The following NTM variants were observed in gnomAD, a reference collection of about 807,000 sequenced individuals.
The protein encoded by NTM is neurotrimin.
In NTM, 13 loss-of-function variants were observed where a neutral mutation model predicts 42.1. The ratio of observed to expected loss-of-function variants is 0.31; its 90% confidence interval spans 0.20 to 0.49. The LOEUF is 0.49. NTM is among the 20% of genes least tolerant of loss of function. The probability of loss-of-function intolerance (pLI) is 0.99; values close to 1 mark genes in which losing one functional copy is unlikely to be tolerated. For synonymous variants in NTM, 187 were observed against 179.2 expected (o/e 1.04, Z -0.35); for missense variants, 373 against 452.8 (o/e 0.82, Z 1.60).
intron 3 of NTM, among the ~76,000 whole-genome samples, chr11:132,149,070 C>T (rs527557543): frequency 2.0e-5 from 3 of 152,156 alleles, no homozygotes; most frequent in East Asian, 3.9e-4. Context: ...AATCCGCTGT[C>T]GATATGCCTG....
chr11:131,793,852 G>A (rs940413595), intron 1 of NTM, among the ~76,000 whole-genome samples: 2 of 152,318 alleles, frequency 1.3e-5, no homozygotes, highest in South Asian at 4.1e-4. Flanking sequence ...CCTTCCAGCT[G>A]CTGTGCTGGG....
intron 1 of NTM, among the ~76,000 whole-genome samples, chr11:131,590,580 A>G (rs1479663589): frequency 1.3e-5 from 2 of 152,252 alleles, no homozygotes; most frequent in Non-Finnish European, 2.9e-5. Flanking sequence ...TGGCTTCTTA[A>G]TGTCCCAATA....
intron 4 of NTM, among the ~76,000 whole-genome samples, chr11:132,272,407 A>G (rs1156327156): frequency 6.6e-6 from 1 of 152,148 alleles, no homozygotes; most frequent in East Asian, 1.9e-4. Flanking sequence ...TGTCAATCTC[A>G]GCAAAGAAGC....
At chr11:131,901,928 G>A (rs574929399) in intron 1 of NTM, among the ~76,000 whole-genome samples, 1 of 152,336 alleles carries the variant, frequency 6.6e-6, no homozygotes, top group African/African-American at 2.4e-5. Flanking sequence ...AGCTAGTGAA[G>A]GAAAGCATAC....
At chr11:131,988,654 A>G (rs953728098) in intron 2 of NTM, among the ~76,000 whole-genome samples, 5 of 152,202 alleles carry the variant, frequency 3.3e-5, no homozygotes, top group Non-Finnish European at 7.3e-5. Context: ...TGCCACATCC[A>G]TTTAAATCAG....
rs753967639 is a variant in NTM at position 132,330,151 on chromosome 11, A to G, written c.935-2A>G. 1 of 1,551,604 alleles carries G rather than the reference A, an allele frequency of 6.4e-7. No homozygotes were observed. Among genetic ancestry groups the G allele is most frequent in the Non-Finnish European group, 8.7e-7 (1 of 1,146,948 alleles). The stretch of plus-strand genomic sequence containing the variant: ...CAGTGGCTTGTTTTTAATTTCTTTT[A>G]GAAGTGAAAACTACAGCCCTGACCC... On this transcript the variant is annotated splice_acceptor_variant, in intron 7 of 8. Transcript: ENST00000683400. LOFTEE classifies it high-confidence loss of function.
intron 1 of NTM, among the ~76,000 whole-genome samples, chr11:131,645,061 G>A (rs559440550): frequency 7.9e-5 from 12 of 152,258 alleles, no homozygotes; most frequent in African/African-American, 2.6e-4. Flanking sequence ...ATGTACCACA[G>A]ATTGAGCCCT....
intron 3 of NTM, among the ~76,000 whole-genome samples, chr11:132,155,126 G>A (rs1325544268): frequency 6.6e-6 from 1 of 152,114 alleles, no homozygotes; most frequent in African/African-American, 2.4e-5. Context: ...TGGCTCCGTT[G>A]GGGATTTAAT....
Position 132,335,212 on chromosome 11 carries a change from G to A in NTM, c.*66G>A. On this transcript the variant is annotated 3_prime_UTR_variant, in exon 9 of 9. Coordinates refer to ENST00000683400, the MANE Select transcript of NTM (RefSeq NM_001352005.2). ...CACCACCACCAACACAACAGCAATG[G>A]CAACACCGACAGCAACCAATCAGAT... 1.3e-6 allele frequency: 2 copies of A among 1,556,010 alleles called. No individual in the cohort carries two copies. Among genetic ancestry groups the A allele is most frequent in the South Asian group, 1.1e-5 (1 of 88,780 alleles).
intron 1 of NTM, among the ~76,000 whole-genome samples, chr11:131,503,954 A>G (rs1047882224): frequency 6.6e-6 from 1 of 152,216 alleles, no homozygotes; most frequent in Non-Finnish European, 1.5e-5. Flanking sequence ...TACCTTTGTT[A>G]GGGTCATTAG....
chr11:132,086,109 G>A (rs2059666827), intron 2 of NTM, among the ~76,000 whole-genome samples: 1 of 151,988 alleles, frequency 6.6e-6, no homozygotes, highest in Admixed American at 6.6e-5. Flanking sequence ...TGGATCACGA[G>A]GTCAGGAGAT....
chr11:131,891,293 A>G (rs2051292733), intron 1 of NTM, among the ~76,000 whole-genome samples: 1 of 152,136 alleles, frequency 6.6e-6, no homozygotes, highest in Non-Finnish European at 1.5e-5. Context: ...ACAGGACTCC[A>G]TGGAAGGGTT....
At chr11:131,427,913 C>T (rs1336843435) in intron 1 of NTM, among the ~76,000 whole-genome samples, 1 of 152,170 alleles carries the variant, frequency 6.6e-6, no homozygotes, top group South Asian at 2.1e-4. Context: ...TTTCTCTGAG[C>T]TAATATCGAT....
rs60306874 is a variant in NTM at position 131,404,971 on chromosome 11, A to C, written c.82+34083A>C. Among the ~76,000 whole-genome samples the C allele has an allele frequency of 9.1e-3, 1,390 of 152,314 alleles. 21 individuals carry two copies. Among genetic ancestry groups the C allele is most frequent in the African/African-American group, 0.03 (1,260 of 41,576 alleles). On this transcript the variant is annotated intron_variant, in intron 1 of 8. Coordinates refer to ENST00000683400, the MANE Select transcript of NTM (RefSeq NM_001352005.2). ...ATAACAGGGAAGTGCATATCTGTCT[A>C]TGGAAGAATGACCACAATTCCGTAT...
In NTM at chr11:131,857,968, C is replaced by G. The variant is rs529161154; in HGVS notation, c.83-53596C>G. ...ATTGTCTGGTTCCTGACAGCTCTCC[C>G]CCTTTCTCTGTCTCCCCCAATTTCC... is the stretch of plus-strand genomic sequence containing the variant. On this transcript the variant is annotated intron_variant, in intron 1 of 8. Coordinates refer to ENST00000683400, the MANE Select transcript of NTM (RefSeq NM_001352005.2). Among the ~76,000 whole-genome samples the G allele has an allele frequency of 2.0e-5, 3 of 151,996 alleles. No individual in the cohort carries two copies. In the South Asian group the frequency reaches 6.3e-4, roughly 32 times the overall value.
chr11:132,273,309 GTTTT>G (rs57877862), intron 4 of NTM, among the ~76,000 whole-genome samples: 85 of 55,666 alleles, frequency 1.5e-3, no homozygotes, highest in African/African-American at 7.0e-3. Flanking sequence ...GTTGACTAGT[GTTTT>G]TTTTTTTTTT....
intron 2 of NTM, among the ~76,000 whole-genome samples, chr11:131,968,484 T>G (rs2063119963): frequency 6.6e-6 from 1 of 152,100 alleles, no homozygotes; most frequent in Non-Finnish European, 1.5e-5. Flanking sequence ...CTTCTTCCAA[T>G]CGTACCCAGC....
intron 7 of NTM, among the ~76,000 whole-genome samples, chr11:132,320,858 G>A (rs575055135): frequency 7.3e-5 from 11 of 151,606 alleles, no homozygotes; most frequent in African/African-American, 2.7e-4. Context: ...CCTCAAGTGG[G>A]TCCCTGACCC....
intron 2 of NTM, among the ~76,000 whole-genome samples, chr11:132,120,944 G>T (rs2136923841): frequency 6.6e-6 from 1 of 152,154 alleles, no homozygotes; most frequent in Non-Finnish European, 1.5e-5. Flanking sequence ...GAGAGAGAGA[G>T]AGCACGTACA....
Sources: allele counts gnomAD v4.1 joint callset (sites outside exome capture counted in the v4.1 genomes callset), GRCh38; gene constraint gnomAD v4.1.1; transcripts MANE v1.5; gene names NCBI Gene and HGNC (gene_info 2026-07-23, HGNC 2026-07-21).